OGFOD1: variants seen among roughly 807,000 people sequenced by gnomAD.
OGFOD1 encodes the protein prolyl 3-hydroxylase OGFOD1.
OGFOD1 carries 54 observed loss-of-function variants against 67.7 expected under a neutral mutation model. The ratio of observed to expected loss-of-function variants is 0.80; its 90% CI spans 0.64 to 1.00. The LOEUF (loss-of-function observed/expected upper bound fraction) is 1.00, where lower values mean the gene tolerates loss of function less well. OGFOD1 is among the 50% of genes least tolerant of loss of function. The probability of loss-of-function intolerance (pLI) is 0.00; values close to 1 mark genes in which losing one functional copy is unlikely to be tolerated. For missense variants in OGFOD1, 606 were observed against 646.7 expected (o/e 0.94, Z 0.68); for synonymous variants, 221 against 227.0 (o/e 0.97, Z 0.24).
At chr16:56,457,917 A>G (rs1962579956) in intron 2 of OGFOD1, among the ~76,000 whole-genome samples, 2 of 152,132 alleles carry the variant, frequency 1.3e-5, no homozygotes, top group African/African-American at 4.8e-5. Flanking sequence ...TGACCTCATG[A>G]TCTGCCCGCC....
At chr16:56,475,780 A>ATT (rs1963442063) in intron 12 of OGFOD1, among the ~76,000 whole-genome samples, 1 of 152,206 alleles carries the variant, frequency 6.6e-6, no homozygotes, top group Non-Finnish European at 1.5e-5. Flanking sequence ...GAAATTCCAA[A>ATT]TTAAGAGCCA....
At position 56,466,901 on chromosome 16, in the gene OGFOD1, C is replaced by G; in HGVS notation, c.591C>G (p.Val197=). ...IDEHFQPKQI[V]KSLIPSWNKL... ...AACACTTTCAGCCGAAGCAGATTGT[C>G]AAGTCTCTTATCCCTTCGTGGAACA... Residue 197 remains valine, a synonymous_variant, in exon 6 of 13, where the codon GTC becomes GTG. Transcript: ENST00000566157. 1 of 1,613,772 alleles carries G rather than the reference C, an allele frequency of 6.2e-7. No homozygotes were observed. Among genetic ancestry groups the G allele is most frequent in the Non-Finnish European group, 8.5e-7 (1 of 1,179,684 alleles).
intron 2 of OGFOD1, chr16:56,454,658 A>G (rs533073430): frequency 2.2e-4 from 76 of 345,662 alleles, no homozygotes; most frequent in Non-Finnish European, 3.5e-4. Flanking sequence ...GGGGGGAAAA[A>G]AAAAAGAAAG....
chr16:56,471,132 AC>A, intron 10 of OGFOD1, among the ~76,000 whole-genome samples: 1 of 151,642 alleles, frequency 6.6e-6, no homozygotes, highest in South Asian at 2.1e-4. Context: ...CAGTCTGATC[AC>A]CTGAGGCCAG....
At position 56,474,858 on chromosome 16, in the gene OGFOD1, T is replaced by G; in HGVS notation, c.1316T>G (p.Leu439Arg). 1 of 1,613,192 alleles carries G rather than the reference T, an allele frequency of 6.2e-7. No individual in the cohort carries two copies. The highest frequency in any genetic ancestry group is 8.5e-7 in the Non-Finnish European group (1 of 1,179,250). ...AGTGTTCCCATGTGCCAAGGGGAAC[T>G]GAGGCATTGGAAGACCGGTCACTAC... ...ESSVPMCQGE[L>R]RHWKTGHYTL... Residue 439 changes from leucine (L) to arginine (R), a missense_variant, in exon 11 of 13, where the codon CTG (leucine) becomes CGG (arginine). Physicochemically the swap from Leu to Arg is moderately radical, Grantham distance 102. Transcript: ENST00000566157.
Position 56,474,938 on chromosome 16 carries a change from T to C in OGFOD1, c.1396T>C (p.Cys466Arg). ...AEFALDLILYCGCEGWEPEYG... is the reference protein window; with the variant it reads ...AEFALDLILYRGCEGWEPEYG... ...ATTTGCCCTAGACTTAATTCTGTAC[T>C]GTGGCTGTGAAGGTAAGAGGGAGGA... is the stretch of plus-strand genomic sequence containing the variant. The change falls in exon 11 of 13, where the codon TGT becomes CGT. Residue 466 changes from cysteine to arginine, a missense_variant. Transcript: ENST00000566157. 6.2e-7 allele frequency: 1 copy of C among 1,613,842 alleles called. No homozygotes were observed. Among genetic ancestry groups the C allele is most frequent in the Non-Finnish European group, 8.5e-7 (1 of 1,179,822 alleles).
At chr16:56,463,530 C>T (rs1962799665) in intron 4 of OGFOD1, among the ~76,000 whole-genome samples, 2 of 150,872 alleles carry the variant, frequency 1.3e-5, no homozygotes, top group Non-Finnish European at 2.9e-5. Context: ...TCAAGTGATT[C>T]TCCTGCCTCA....
At position 56,470,679 on chromosome 16, in the gene OGFOD1, G is replaced by A. The variant is rs148423012; in HGVS notation, c.1173G>A (p.Gly391=). The change falls in exon 10 of 13, where the codon GGG becomes GGA. Residue 391 remains glycine, a synonymous_variant. Coordinates refer to ENST00000566157, the MANE Select transcript of OGFOD1 (RefSeq NM_018233.4). ...AAACCACTGATATCACTGAAGAAGG[G>A]ACTAGCCATAGTCCTCCTGAGCCAG... ...EAETTDITEE[G]TSHSPPEPEN... 8.9e-5 allele frequency: 143 copies of A among 1,614,100 alleles called. No individual in the cohort carries two copies. The African/African-American group carries it at 1.7e-3, about 19-fold the overall frequency.
intron 3 of OGFOD1, among the ~76,000 whole-genome samples, chr16:56,460,195 T>C (rs1458110230): frequency 2.6e-5 from 4 of 152,256 alleles, no homozygotes; most frequent in Non-Finnish European, 4.4e-5. Flanking sequence ...AAGCATTTCA[T>C]GTGGGACTGA....
At position 56,470,589 on chromosome 16, in the gene OGFOD1, A is replaced by G; in HGVS notation, c.1083A>G (p.Thr361=). 2.5e-6 allele frequency: 4 copies of G among 1,614,224 alleles called. No individual in the cohort carries two copies. Among genetic ancestry groups the G allele is most frequent in the Non-Finnish European group, 2.5e-6 (3 of 1,180,032 alleles). Residue 361 remains threonine (T), a synonymous_variant, in exon 10 of 13, where the codon ACA becomes ACG. Coordinates refer to ENST00000566157, the MANE Select transcript of OGFOD1 (RefSeq NM_018233.4). ...EALFLLLSNF[T]GLKLHFLAPS... ...TATTCTTGCTGCTCTCCAACTTCAC[A>G]GGCCTGAAGCTTCATTTCTTGGCCC...
chr16:56,461,254 A>G (rs1488459683), intron 3 of OGFOD1, among the ~76,000 whole-genome samples: 4 of 152,172 alleles, frequency 2.6e-5, no homozygotes, highest in Non-Finnish European at 5.9e-5. Flanking sequence ...CTAATAGCCA[A>G]TCACTTAATC....
At chr16:56,454,867 T>A (rs571944939) in intron 2 of OGFOD1, 82 of 374,880 alleles carry the variant, frequency 2.2e-4, no homozygotes, top group South Asian at 1.4e-3. Context: ...GATAAATACA[T>A]GAAAGATATG....
chr16:56,473,709 T>C (rs1326521009), intron 10 of OGFOD1, among the ~76,000 whole-genome samples: 1 of 152,220 alleles, frequency 6.6e-6, no homozygotes, highest in African/African-American at 2.4e-5. Flanking sequence ...CTTGATTTTT[T>C]TTTTTCATGA....
At chr16:56,467,599 A>G (rs187692295) in intron 7 of OGFOD1, among the ~76,000 whole-genome samples, 2 of 151,642 alleles carry the variant, frequency 1.3e-5, no homozygotes, top group Admixed American at 6.6e-5. Context: ...GCTAATTTTC[A>G]TATTTTTAGT....
intron 10 of OGFOD1, among the ~76,000 whole-genome samples, chr16:56,472,214 C>A (rs9940094): frequency 0.2 from 30,701 of 151,864 alleles, 3,268 homozygotes; most frequent in Non-Finnish European, 0.24. Context: ...AAGTAATCCT[C>A]CTACCTTGTC....
intron 4 of OGFOD1, among the ~76,000 whole-genome samples, chr16:56,463,462 G>T (rs1962796421): frequency 8.7e-6 from 1 of 115,588 alleles, no homozygotes; most frequent in African/African-American, 3.3e-5. Context: ...TCCCTCTGTT[G>T]TCCAGGCTGG....
Position 56,476,210 on chromosome 16 carries a change from A to C in OGFOD1, c.*5A>C, listed in dbSNP as rs1963470292. 3 of 1,609,216 alleles carry C rather than the reference A, an allele frequency of 1.9e-6. No homozygotes were observed. The highest frequency in any genetic ancestry group is 2.7e-5 in the African/African-American group (2 of 74,622). On this transcript the variant is annotated 3_prime_UTR_variant, in exon 13 of 13. Coordinates refer to ENST00000566157, the MANE Select transcript of OGFOD1 (RefSeq NM_018233.4). ...TCATTCATCTATTATGAATGACAGC[A>C]CTGGGCAAAGCTGAACAAAAATGTG... is the stretch of plus-strand genomic sequence containing the variant.
intron 5 of OGFOD1, 101 bp from the exon 6 acceptor site, chr16:56,466,775 A>C: frequency 2.5e-6 from 2 of 812,504 alleles, no homozygotes; most frequent in Non-Finnish European, 4.2e-6. Flanking sequence ...TCTGAAGGGC[A>C]CATCTAGATG....
At chr16:56,470,889 C>T (rs958623786) in intron 10 of OGFOD1, 98 bp downstream of exon 10, 16 of 1,252,030 alleles carry the variant, frequency 1.3e-5, no homozygotes, top group Non-Finnish European at 1.7e-5. Flanking sequence ...CTACTGTGCC[C>T]TAAGCCCTAT....
Sources: gnomAD v4.1 joint callset for allele counts (sites outside exome capture counted in the v4.1 genomes callset) on GRCh38, gnomAD v4.1.1 for gene constraint, MANE v1.5 for transcripts, NCBI Gene and HGNC (gene_info 2026-07-23, HGNC 2026-07-21) for gene names.